The following NRXN1 variants were observed in gnomAD, a reference collection of about 807,000 sequenced individuals.
NRXN1 encodes neurexin 1.
In NRXN1, 39 loss-of-function variants were observed where a neutral mutation model predicts 150.9. That is an observed-to-expected ratio of 0.26 (90% CI 0.20 to 0.34). NRXN1 has a LOEUF of 0.34. Among genes scored for constraint, NRXN1 ranks in the 10% least tolerant of loss-of-function variants. The pLI is 1.00. For synonymous variants in NRXN1, 924 were observed against 757.0 expected (o/e 1.22, Z -3.62); for missense variants, 1,815 against 1,949.9 (o/e 0.93, Z 1.30).
At chr2:50,363,471 GC>G (rs1287751848) in intron 17 of NRXN1, among the ~76,000 whole-genome samples, 1 of 152,166 alleles carries the variant, frequency 6.6e-6, no homozygotes, top group African/African-American at 2.4e-5. Context: ...CATTTATGCA[GC>G]CAATAAACAC....
intron 17 of NRXN1, among the ~76,000 whole-genome samples, chr2:50,399,500 C>G (rs2082257088): frequency 6.6e-6 from 1 of 151,862 alleles, no homozygotes; most frequent in African/African-American, 2.4e-5. Context: ...CTGTTCAGTT[C>G]CATGCTTCTT....
Position 50,732,532 on chromosome 2 carries a change from G to T in NRXN1, c.833-108917C>A, listed in dbSNP as rs116951553. 1.8e-4 allele frequency among the ~76,000 whole-genome samples: 27 copies of T among 152,158 alleles called. No individual in the cohort carries two copies. In the East Asian group the frequency reaches 5.0e-3, roughly 28 times the overall value. On this transcript the variant is annotated intron_variant, in intron 5 of 22. Transcript: ENST00000401669. ...GATCATGTTTTCTTTCTATAATTTT[G>T]CACTTGTTTTCAATTACAGATAATT...
At chr2:50,329,248 C>G (rs1453571025) in intron 17 of NRXN1, among the ~76,000 whole-genome samples, 1 of 151,982 alleles carries the variant, frequency 6.6e-6, no homozygotes, top group African/African-American at 2.4e-5. Flanking sequence ...CTAGGTAATG[C>G]AAGGTAATGA....
Position 50,472,058 on chromosome 2 carries a change from G to A in NRXN1, c.3244+240C>T, listed in dbSNP as rs13029935. Among the ~76,000 whole-genome samples the A allele has an allele frequency of 0.55, 83,456 of 150,726 alleles. 23,384 individuals carry two copies. The highest frequency in any genetic ancestry group is 0.59 in the Middle Eastern group (173 of 294). ...AAAACAAAAACAAAAGCAAAAACAG[G>A]CAAAAAAACCAAGATCCATAGATAT... is the stretch of plus-strand genomic sequence containing the variant. On this transcript the variant is annotated intron_variant, in intron 16 of 22. Transcript: ENST00000401669.
chr2:50,578,736 T>G (rs1287348693), intron 8 of NRXN1, among the ~76,000 whole-genome samples: 2 of 152,008 alleles, frequency 1.3e-5, no homozygotes, highest in Non-Finnish European at 2.9e-5. Flanking sequence ...TAAAGCTTTT[T>G]AATTTATATT....
intron 17 of NRXN1, among the ~76,000 whole-genome samples, chr2:50,285,367 G>C (rs1407763197): frequency 6.6e-6 from 1 of 152,182 alleles, no homozygotes; most frequent in African/African-American, 2.4e-5. Flanking sequence ...GTGCAAGGTA[G>C]AAACCAAGCC....
At chr2:50,847,753 G>T (rs1313676329) in intron 5 of NRXN1, among the ~76,000 whole-genome samples, 1 of 152,160 alleles carries the variant, frequency 6.6e-6, no homozygotes, top group Non-Finnish European at 1.5e-5. Context: ...CGTGGAGGGA[G>T]TATGCAGGTG....
At chr2:50,287,151 A>G (rs76109508) in intron 17 of NRXN1, among the ~76,000 whole-genome samples, 3,566 of 152,198 alleles carry the variant, frequency 0.023, 139 homozygotes, top group African/African-American at 0.082. Context: ...CCAGGGAACT[A>G]TGTGCTAAAG....
chr2:50,824,059 G>C (rs1187342867), intron 5 of NRXN1, among the ~76,000 whole-genome samples: 1 of 152,122 alleles, frequency 6.6e-6, no homozygotes, highest in Non-Finnish European at 1.5e-5. Flanking sequence ...TCTGATTATA[G>C]AGCAGGATTT....
chr2:50,819,306 AAG>A (rs1669374985), intron 5 of NRXN1, among the ~76,000 whole-genome samples: 1 of 152,152 alleles, frequency 6.6e-6, no homozygotes, highest in South Asian at 2.1e-4. Flanking sequence ...TAAATGGAAA[AAG>A]AAAATGTGGT....
At position 50,945,897 on chromosome 2, in the gene NRXN1, TATAC is replaced by T. The variant is rs1254407031; in HGVS notation, c.773-19946_773-19943del. Reference sequence around the variant, plus strand: ...AAACAGATATATATATATATATATATATACACACACACACACACACACACATCTT... The same window carrying T: ...AAACAGATATATATATATATATATATACACACACACACACACACACATCTT... On this transcript the variant is annotated intron_variant, in intron 2 of 22. Coordinates refer to ENST00000401669, the MANE Select transcript of NRXN1 (RefSeq NM_001330078.2). 9.1e-3 allele frequency among the ~76,000 whole-genome samples: 1,308 copies of T among 143,828 alleles called. 18 individuals are homozygous for T. Among genetic ancestry groups the T allele is most frequent in the African/African-American group, 0.031 (1,207 of 38,760 alleles). 94.4% of individuals were successfully genotyped at this position (143,828 alleles called of 152,430 possible).
At chr2:50,454,855 CAG>C (rs746112980) in intron 17 of NRXN1, among the ~76,000 whole-genome samples, 6 of 152,084 alleles carry the variant, frequency 3.9e-5, no homozygotes, top group Non-Finnish European at 7.4e-5. Flanking sequence ...CAACTCTAGA[CAG>C]TAAATATTTG....
At chr2:50,285,248 A>AT (rs886468655) in intron 17 of NRXN1, among the ~76,000 whole-genome samples, 1 of 152,122 alleles carries the variant, frequency 6.6e-6, no homozygotes, top group Admixed American at 6.6e-5. Flanking sequence ...AGCTTTATGA[A>AT]TTTTTTATTT....
At chr2:50,788,235 C>T (rs1404051482) in intron 5 of NRXN1, among the ~76,000 whole-genome samples, 2 of 151,852 alleles carry the variant, frequency 1.3e-5, no homozygotes, top group African/African-American at 4.8e-5. Flanking sequence ...TACAGGCACC[C>T]GCCACCATGC....
At chr2:50,864,240 T>TGTGCTA in intron 5 of NRXN1, among the ~76,000 whole-genome samples, 1 of 152,126 alleles carries the variant, frequency 6.6e-6, no homozygotes, top group Non-Finnish European at 1.5e-5. Flanking sequence ...ACCCAGGTAC[T>TGTGCTA]GTGCTAGGTA....
chr2:50,409,443 G>C (rs1449484767), intron 17 of NRXN1, among the ~76,000 whole-genome samples: 1 of 152,186 alleles, frequency 6.6e-6, no homozygotes, highest in Non-Finnish European at 1.5e-5. Flanking sequence ...TTTTTAGGCA[G>C]TGCCCTAGGC....
At chr2:50,643,007 T>A (rs1684285944) in intron 5 of NRXN1, among the ~76,000 whole-genome samples, 1 of 152,022 alleles carries the variant, frequency 6.6e-6, no homozygotes, top group East Asian at 1.9e-4. Context: ...TAAAATATTA[T>A]AAAGAGGCCT....
At position 49,921,743 on chromosome 2, in the gene NRXN1, T is replaced by C. The variant is rs201631880; in HGVS notation, c.*201A>G. The C allele has an allele frequency of 1.4e-5, 8 of 583,862 alleles. No homozygotes were observed. Among genetic ancestry groups the C allele is most frequent in the African/African-American group, 1.9e-5 (1 of 53,292 alleles). The allele number at this position is 583,862 out of a possible 1,614,324, so 36.2% of individuals were successfully genotyped here. ...ATGTTAGGGAATTTATTGGCCCCTG[T>C]TTTTTGTTTTTTGTTTTTCTTTTTT... On this transcript the variant is annotated 3_prime_UTR_variant, in exon 23 of 23. Transcript: ENST00000401669.
chr2:50,392,996 G>A (rs1255359883), intron 17 of NRXN1, among the ~76,000 whole-genome samples: 1 of 151,930 alleles, frequency 6.6e-6, no homozygotes, highest in Non-Finnish European at 1.5e-5. Flanking sequence ...TGGATGACAT[G>A]GAAACATTCC....
Sources: gnomAD v4.1 joint callset for allele counts (sites outside exome capture counted in the v4.1 genomes callset) on GRCh38, gnomAD v4.1.1 for gene constraint, MANE v1.5 for transcripts, NCBI Gene and HGNC (gene_info 2026-07-23, HGNC 2026-07-21) for gene names.